Variants in CAMSAP2 observed in about 807,000 individuals in gnomAD.
CAMSAP2 encodes the protein calmodulin-regulated spectrin-associated protein 2.
Under a neutral mutation model 146.1 loss-of-function variants are expected in CAMSAP2, and 26 were observed. That is an observed-to-expected ratio of 0.18 (90% CI 0.13 to 0.25). CAMSAP2 has a LOEUF of 0.25. Ranked by LOEUF, CAMSAP2 falls within the 10% of genes least tolerant of loss-of-function variation. The pLI is 1.00. For missense variants in CAMSAP2, 1,381 were observed against 1,759.3 expected (o/e 0.78, Z 3.85); for synonymous variants, 499 against 596.6 (o/e 0.84, Z 2.38).
At chr1:200,834,295 A>C (rs1233834181) in intron 6 of CAMSAP2, among the ~76,000 whole-genome samples, 1 of 151,922 alleles carries the variant, frequency 6.6e-6, no homozygotes, top group African/African-American at 2.4e-5. Context: ...CCTGGGAGGC[A>C]GAGGTTGCAG....
chr1:200,795,315 A>G (rs1013225286), intron 2 of CAMSAP2, among the ~76,000 whole-genome samples: 2 of 152,324 alleles, frequency 1.3e-5, no homozygotes, highest in Non-Finnish European at 2.9e-5. Flanking sequence ...AGGGACTGTG[A>G]AAGCAAGATT....
rs1177784688 is a variant in CAMSAP2 at position 200,858,928 on chromosome 1, T to G, written c.*869T>G. Reference sequence around the variant, plus strand: ...AAGTTGGCAGAAGTGAATGACACTTTGAGAGTAGTCTTTCAATCTGAAGAT... The same window carrying G: ...AAGTTGGCAGAAGTGAATGACACTTGGAGAGTAGTCTTTCAATCTGAAGAT... On this transcript the variant is annotated 3_prime_UTR_variant, in exon 17 of 17. Coordinates refer to ENST00000358823, the MANE Select transcript of CAMSAP2 (RefSeq NM_203459.4). 7.2e-5 allele frequency: 11 copies of G among 152,402 alleles called. No homozygotes were observed. The highest frequency in any genetic ancestry group is 7.2e-4 in the Admixed American group (11 of 15,268). 9.4% of individuals were successfully genotyped at this position (152,402 alleles called of 1,614,324 possible).
At chr1:200,775,237 T>G (rs1665238954) in intron 2 of CAMSAP2, among the ~76,000 whole-genome samples, 1 of 152,158 alleles carries the variant, frequency 6.6e-6, no homozygotes, top group Admixed American at 6.5e-5. Flanking sequence ...TTACTGGCTC[T>G]GATGTAAGAG....
chr1:200,835,876 T>C (rs1201088023), intron 6 of CAMSAP2, among the ~76,000 whole-genome samples: 2 of 152,166 alleles, frequency 1.3e-5, no homozygotes, highest in Non-Finnish European at 2.9e-5. Context: ...AGATATAAGA[T>C]TGCATTTGTT....
chr1:200,762,588 C>T (rs1273025213), intron 2 of CAMSAP2, among the ~76,000 whole-genome samples: 4 of 152,172 alleles, frequency 2.6e-5, no homozygotes, highest in Non-Finnish European at 5.9e-5. Context: ...AAAGCACATC[C>T]ATGACTTTGT....
At chr1:200,751,308 C>G (rs1245330575) in intron 1 of CAMSAP2, among the ~76,000 whole-genome samples, 2 of 150,666 alleles carry the variant, frequency 1.3e-5, no homozygotes, top group Non-Finnish European at 3.0e-5. Context: ...GATATTGTAC[C>G]CTACACTCCT....
intron 2 of CAMSAP2, among the ~76,000 whole-genome samples, chr1:200,783,178 G>T (rs568569650): frequency 9.2e-5 from 14 of 152,232 alleles, no homozygotes; most frequent in African/African-American, 3.4e-4. Context: ...GAGCGTTCCA[G>T]TTGCTCCACT....
intron 2 of CAMSAP2, among the ~76,000 whole-genome samples, chr1:200,804,369 TTAATA>T (rs1666117064): frequency 6.6e-6 from 1 of 152,174 alleles, no homozygotes; most frequent in Non-Finnish European, 1.5e-5. Context: ...TTTAAATAGT[TTAATA>T]TATCATAAAT....
Position 200,844,706 on chromosome 1 carries a change from T to C in CAMSAP2, c.1022-76T>C, listed in dbSNP as rs191962208. ...GGGAAATAGAAGTTAAATTTTGTTA[T>C]AAATTTGCTTATGGTCCAGAATTTT... On this transcript the variant is annotated intron_variant, in intron 7 of 16. Coordinates refer to ENST00000358823, the MANE Select transcript of CAMSAP2 (RefSeq NM_203459.4). 29 of 743,728 alleles carry C rather than the reference T, an allele frequency of 3.9e-5. No homozygotes were observed. The Admixed American group carries it at 7.4e-4, about 19-fold the overall frequency. 46.1% of individuals were successfully genotyped at this position (743,728 alleles called of 1,614,324 possible).
intron 2 of CAMSAP2, among the ~76,000 whole-genome samples, chr1:200,767,194 G>A (rs1478949143): frequency 1.3e-5 from 2 of 151,986 alleles, no homozygotes; most frequent in Non-Finnish European, 2.9e-5. Flanking sequence ...AATTAGCTGG[G>A]CATGGTGGCG....
At chr1:200,742,154 T>C (rs936710076) in intron 1 of CAMSAP2, among the ~76,000 whole-genome samples, 1 of 152,252 alleles carries the variant, frequency 6.6e-6, no homozygotes, top group African/African-American at 2.4e-5. Flanking sequence ...TGGCAAGTGA[T>C]GTGTTCTGCA....
intron 15 of CAMSAP2, among the ~76,000 whole-genome samples, chr1:200,856,407 A>ACCT (rs1171399105): frequency 4.6e-5 from 7 of 152,230 alleles, no homozygotes; most frequent in Non-Finnish European, 8.8e-5. Flanking sequence ...AGTACTGAGT[A>ACCT]AAGGCTAGAA....
intron 8 of CAMSAP2, 118 bp downstream of exon 8, chr1:200,844,987 A>T: frequency 1.9e-6 from 1 of 516,534 alleles, no homozygotes; most frequent in South Asian, 3.4e-5. Flanking sequence ...TTGAACTGTT[A>T]TAATTAGCTT....
At chr1:200,780,220 A>AGG (rs952337109) in intron 2 of CAMSAP2, among the ~76,000 whole-genome samples, 16 of 152,232 alleles carry the variant, frequency 1.1e-4, no homozygotes, top group Non-Finnish European at 2.1e-4. Context: ...AGTGTTTTAA[A>AGG]GGATCCTTAT....
At position 200,860,384 on chromosome 1, in the gene CAMSAP2, G is replaced by A. The variant is rs961346497; in HGVS notation, c.*2325G>A. On this transcript the variant is annotated 3_prime_UTR_variant, in exon 17 of 17. Transcript: ENST00000358823. Reference sequence around the variant, plus strand: ...CCATTAAGTTTGCCAAACATTTGTCGTGGTTACCAGTGCAGCCTGTCAAAT... The same window carrying A: ...CCATTAAGTTTGCCAAACATTTGTCATGGTTACCAGTGCAGCCTGTCAAAT... 3.3e-5 allele frequency: 5 copies of A among 152,642 alleles called. No individual in the cohort carries two copies. The highest frequency in any genetic ancestry group is 1.9e-4 in the East Asian group (1 of 5,332). 9.5% of individuals were successfully genotyped at this position (152,642 alleles called of 1,614,324 possible).
At chr1:200,799,783 C>A (rs1318486611) in intron 2 of CAMSAP2, among the ~76,000 whole-genome samples, 1 of 152,152 alleles carries the variant, frequency 6.6e-6, no homozygotes, top group Admixed American at 6.6e-5. Context: ...GATTTTGGAT[C>A]TTTCCTGCTT....
At chr1:200,794,374 T>G (rs554589383) in intron 2 of CAMSAP2, among the ~76,000 whole-genome samples, 1 of 152,300 alleles carries the variant, frequency 6.6e-6, no homozygotes, top group African/African-American at 2.4e-5. Context: ...CCAGACTCAC[T>G]TTCTTCTTTC....
At chr1:200,753,818 A>C (rs1571717511) in intron 1 of CAMSAP2, among the ~76,000 whole-genome samples, 1 of 151,820 alleles carries the variant, frequency 6.6e-6, no homozygotes, top group East Asian at 1.9e-4. Flanking sequence ...TGCCACTACC[A>C]CGACCACCAG....
At chr1:200,763,934 TGTG>T (rs1664869790) in intron 2 of CAMSAP2, among the ~76,000 whole-genome samples, 2 of 151,720 alleles carry the variant, frequency 1.3e-5, no homozygotes, top group Non-Finnish European at 2.9e-5. Flanking sequence ...ATTAGCCAGG[TGTG>T]GTGGCAGGCA....
Sources: gnomAD v4.1 joint callset for allele counts (sites outside exome capture counted in the v4.1 genomes callset) on GRCh38, gnomAD v4.1.1 for gene constraint, MANE v1.5 for transcripts, NCBI Gene and HGNC (gene_info 2026-07-23, HGNC 2026-07-21) for gene names.